KCNAB1: variants seen among roughly 807,000 people sequenced by gnomAD.
KCNAB1 encodes voltage-gated potassium channel subunit beta-1.
Under a neutral mutation model 64.6 loss-of-function variants are expected in KCNAB1, and 35 were observed. The observed-to-expected ratio is 0.54, with a 90% CI of 0.41 to 0.72. The LOEUF (loss-of-function observed/expected upper bound fraction) is 0.72. Among genes scored for constraint, KCNAB1 ranks in the 30% least tolerant of loss-of-function variants. The pLI, the probability that KCNAB1 is intolerant of heterozygous loss-of-function variation, is 0.00. For missense variants in KCNAB1, 401 were observed against 512.9 expected, an observed-to-expected ratio of 0.78 and a Z score of 2.11; for synonymous variants, 177 against 183.8, an observed-to-expected ratio of 0.96 and a Z score of 0.30.
At chr3:156,175,319 T>TA (rs1336053704) in intron 1 of KCNAB1, among the ~76,000 whole-genome samples, 1 of 151,254 alleles carries the variant, frequency 6.6e-6, no homozygotes, top group Non-Finnish European at 1.5e-5. Context: ...AAAGAAAAAA[T>TA]AAAATACAAC....
At chr3:156,275,959 GT>G (rs886191119) in intron 1 of KCNAB1, among the ~76,000 whole-genome samples, 3 of 147,780 alleles carry the variant, frequency 2.0e-5, no homozygotes, top group East Asian at 2.0e-4. Context: ...AGAATGGTGA[GT>G]TTTTTTTTTC....
At chr3:156,445,065 C>T (rs1039069118) in intron 2 of KCNAB1, among the ~76,000 whole-genome samples, 11 of 152,254 alleles carry the variant, frequency 7.2e-5, no homozygotes, top group Middle Eastern at 3.4e-3. Context: ...TGGGAGGCTG[C>T]GGTGGGCGGA....
intron 2 of KCNAB1, among the ~76,000 whole-genome samples, chr3:156,433,327 C>T (rs982546235): frequency 2.8e-4 from 43 of 152,116 alleles, no homozygotes; most frequent in African/African-American, 9.7e-4. Flanking sequence ...GAACACATGA[C>T]TAGAACAGAG....
intron 8 of KCNAB1, 80 bp from the exon 9 acceptor site, chr3:156,514,284 C>T: frequency 1.9e-6 from 2 of 1,036,878 alleles, no homozygotes; most frequent in Non-Finnish European, 3.0e-6. Context: ...AGCTTCTAAG[C>T]TTTGGCTAGA....
intron 8 of KCNAB1, among the ~76,000 whole-genome samples, chr3:156,498,561 G>A (rs924926036): frequency 6.6e-6 from 1 of 152,178 alleles, no homozygotes; most frequent in African/African-American, 2.4e-5. Flanking sequence ...ATATGGAACT[G>A]TTAAATCCAG....
At chr3:156,291,139 T>G (rs758971356) in intron 1 of KCNAB1, 35 of 985,422 alleles carry the variant, frequency 3.6e-5, no homozygotes, top group Admixed American at 1.2e-4. Context: ...CTGGTGCAAG[T>G]GATCTTTGCC....
intron 1 of KCNAB1, among the ~76,000 whole-genome samples, chr3:156,171,036 C>T (rs114756892): frequency 0.017 from 2,617 of 152,226 alleles, 48 homozygotes; most frequent in South Asian, 0.031. Flanking sequence ...ATTACGTACA[C>T]TGCTTTTTGG....
chr3:156,235,083 A>AC (rs1031412713), intron 1 of KCNAB1, among the ~76,000 whole-genome samples: 1 of 152,180 alleles, frequency 6.6e-6, no homozygotes, highest in African/African-American at 2.4e-5. Context: ...ACTCTGACCC[A>AC]CCAGCCTTGA....
intron 1 of KCNAB1, among the ~76,000 whole-genome samples, chr3:156,321,281 G>C: frequency 6.6e-6 from 1 of 152,146 alleles, no homozygotes; most frequent in East Asian, 1.9e-4. Flanking sequence ...GAAGTATAGG[G>C]AGTGAAAATG....
At chr3:156,477,114 A>G (rs1188308740) in intron 8 of KCNAB1, among the ~76,000 whole-genome samples, 1 of 152,204 alleles carries the variant, frequency 6.6e-6, no homozygotes, top group Non-Finnish European at 1.5e-5. Flanking sequence ...ACTATGTGAT[A>G]CCAACAAGAT....
At chr3:156,524,027 C>T in intron 12 of KCNAB1, 80 bp downstream of exon 12, 1 of 1,326,988 alleles carries the variant, frequency 7.5e-7, no homozygotes, top group Non-Finnish European at 1.0e-6. Context: ...CACACCCTTA[C>T]CATGATAAAA....
chr3:156,533,092 ACTGT>A (rs1576986336), intron 13 of KCNAB1, among the ~76,000 whole-genome samples: 1 of 152,230 alleles, frequency 6.6e-6, no homozygotes, highest in African/African-American at 2.4e-5. Context: ...GAAGAAAAAC[ACTGT>A]CTAACCTTCA....
intron 1 of KCNAB1, among the ~76,000 whole-genome samples, chr3:156,201,388 C>T (rs1369532329): frequency 6.6e-6 from 1 of 152,194 alleles, no homozygotes; most frequent in African/African-American, 2.4e-5. Context: ...CTCCCCACCC[C>T]AACAATCTCT....
At chr3:156,266,497 G>A (rs1357739922) in intron 1 of KCNAB1, among the ~76,000 whole-genome samples, 1 of 152,178 alleles carries the variant, frequency 6.6e-6, no homozygotes, top group African/African-American at 2.4e-5. Flanking sequence ...ATTGAGAAAT[G>A]TCCTTTGCTC....
At chr3:156,512,530 T>C (rs565777021) in intron 8 of KCNAB1, among the ~76,000 whole-genome samples, 19 of 152,342 alleles carry the variant, frequency 1.2e-4, no homozygotes, top group African/African-American at 3.8e-4. Flanking sequence ...TACTGTTGAT[T>C]GGCTGAACTC....
chr3:156,274,242 A>G (rs886144973), intron 1 of KCNAB1, among the ~76,000 whole-genome samples: 2 of 152,196 alleles, frequency 1.3e-5, no homozygotes, highest in African/African-American at 4.8e-5. Flanking sequence ...TGCATGGGAA[A>G]TAAACACCAA....
intron 1 of KCNAB1, among the ~76,000 whole-genome samples, chr3:156,154,059 A>G (rs1367357211): frequency 6.6e-5 from 10 of 152,178 alleles, no homozygotes; most frequent in Admixed American, 5.9e-4. Flanking sequence ...AAAGTTCTCC[A>G]TGTGTTGCTG....
At chr3:156,504,029 T>G (rs1376816856) in intron 8 of KCNAB1, among the ~76,000 whole-genome samples, 3 of 152,206 alleles carry the variant, frequency 2.0e-5, no homozygotes, top group Non-Finnish European at 4.4e-5. Context: ...AGTAATATTG[T>G]GTTTATTAAC....
At chr3:156,513,857 C>T (rs775239889) in intron 8 of KCNAB1, among the ~76,000 whole-genome samples, 2 of 152,194 alleles carry the variant, frequency 1.3e-5, no homozygotes, top group Non-Finnish European at 2.9e-5. Flanking sequence ...TATCTTTCTG[C>T]TAAACACATT....
Sources: gnomAD v4.1 joint callset for allele counts (sites outside exome capture counted in the v4.1 genomes callset) on GRCh38, gnomAD v4.1.1 for gene constraint, MANE v1.5 for transcripts, NCBI Gene and HGNC (gene_info 2026-07-23, HGNC 2026-07-21) for gene names.